Variants in PRKD3 observed in about 807,000 individuals in gnomAD.
The protein encoded by PRKD3 is protein kinase D3, also known as serine/threonine-protein kinase D3.
In PRKD3, 47 loss-of-function variants were observed where a neutral mutation model predicts 99.2. That is an observed-to-expected ratio of 0.47 (90% CI 0.38 to 0.60). The LOEUF (loss-of-function observed/expected upper bound fraction) is 0.60, where lower values mean the gene tolerates loss of function less well. Among genes scored for constraint, PRKD3 ranks in the 20% least tolerant of loss-of-function variants. PRKD3 has a pLI of 0.00. For synonymous variants in PRKD3, 392 were observed against 355.4 expected, an observed-to-expected ratio of 1.10 and a Z score of -1.16; for missense variants, 1,019 against 1,088.4, an observed-to-expected ratio of 0.94 and a Z score of 0.90.
chr2:37,284,488 C>A (rs1572662274), intron 6 of PRKD3, among the ~76,000 whole-genome samples: 1 of 152,170 alleles, frequency 6.6e-6, no homozygotes, highest in East Asian at 1.9e-4. Context: ...TTCTGCTTAG[C>A]AGAGCAGCAA....
chr2:37,319,312 G>C (rs949155524), intron 1 of PRKD3, among the ~76,000 whole-genome samples: 5 of 152,144 alleles, frequency 3.3e-5, no homozygotes, highest in Admixed American at 2.0e-4. Flanking sequence ...TTGCTGCTCT[G>C]TGTCACCTTA....
intron 14 of PRKD3, among the ~76,000 whole-genome samples, chr2:37,263,278 GTATTT>G (rs1391422413): frequency 6.6e-6 from 1 of 152,084 alleles, no homozygotes. Flanking sequence ...TCAAAAATTA[GTATTT>G]TAAAGTTTTC....
At chr2:37,260,460 T>C (rs753538785) in intron 14 of PRKD3, 76 bp from the exon 15 acceptor site, 142 of 1,307,966 alleles carry the variant, frequency 1.1e-4, no homozygotes, top group Non-Finnish European at 1.5e-4. Flanking sequence ...GTGCTATGAT[T>C]GTCTGAAATG....
At chr2:37,301,724 A>G (rs1670940448) in intron 2 of PRKD3, among the ~76,000 whole-genome samples, 1 of 152,228 alleles carries the variant, frequency 6.6e-6, no homozygotes, top group Non-Finnish European at 1.5e-5. Flanking sequence ...TGGTGTATAT[A>G]TATCCCTTCT....
chr2:37,288,547 G>A (rs183618881), intron 5 of PRKD3, among the ~76,000 whole-genome samples: 1 of 152,276 alleles, frequency 6.6e-6, no homozygotes, highest in Non-Finnish European at 1.5e-5. Flanking sequence ...ACAACCTACA[G>A]ATGGAAGTCA....
chr2:37,295,384 A>C (rs529212471), intron 2 of PRKD3, among the ~76,000 whole-genome samples: 15 of 152,304 alleles, frequency 9.8e-5, no homozygotes, highest in Admixed American at 9.8e-4. Context: ...TAAAAAAGAG[A>C]AGCAGAGTTT....
At chr2:37,304,739 C>CA (rs1168058306) in intron 2 of PRKD3, among the ~76,000 whole-genome samples, 186 of 84,202 alleles carry the variant, frequency 2.2e-3, no homozygotes, top group East Asian at 8.2e-3. Context: ...AACTCCATCT[C>CA]AAAAAAAAAA....
intron 1 of PRKD3, among the ~76,000 whole-genome samples, chr2:37,322,299 T>C (rs4610034): frequency 0.022 from 3,423 of 152,296 alleles, 57 homozygotes; most frequent in Middle Eastern, 0.051. Context: ...AAAAATCATA[T>C]CTTGTAGCAA....
chr2:37,321,834 T>C (rs6727087), intron 1 of PRKD3, among the ~76,000 whole-genome samples: 3,511 of 152,192 alleles, frequency 0.023, 63 homozygotes, highest in Middle Eastern at 0.051. Flanking sequence ...GAGTCAACGA[T>C]GCAAAGAGAC....
intron 16 of PRKD3, among the ~76,000 whole-genome samples, chr2:37,258,153 G>A (rs1668126080): frequency 3.3e-5 from 5 of 152,060 alleles, no homozygotes; most frequent in Admixed American, 2.6e-4. Context: ...AAATTGAGAG[G>A]AAAAAGATTT....
intron 14 of PRKD3, among the ~76,000 whole-genome samples, chr2:37,262,121 C>G (rs150085332): frequency 6.6e-6 from 1 of 152,258 alleles, no homozygotes; most frequent in African/African-American, 2.4e-5. Flanking sequence ...ATGACCCCGT[C>G]GCAAAATGAG....
Position 37,318,413 on chromosome 2 carries a change from C to T in PRKD3, c.-655-1234G>A, listed in dbSNP as rs78926914. On this transcript the variant is annotated intron_variant, in intron 1 of 18. Coordinates refer to ENST00000234179, the MANE Select transcript of PRKD3 (RefSeq NM_005813.6). ...TAGACAAGAAAATTGAAGCACAAGG[C>T]GATAACGCAACTTGCCCAGCAGCAC... Among the ~76,000 whole-genome samples, 1,004 of 152,220 alleles carry T rather than the reference C, an allele frequency of 6.6e-3. 8 individuals carry two copies. Among genetic ancestry groups the T allele is most frequent in the African/African-American group, 0.023 (940 of 41,510 alleles).
At chr2:37,265,959 T>C (rs953237106) in intron 14 of PRKD3, among the ~76,000 whole-genome samples, 1 of 152,200 alleles carries the variant, frequency 6.6e-6, no homozygotes, top group African/African-American at 2.4e-5. Context: ...TAGGAATATA[T>C]CCTTAATTTT....
chr2:37,322,175 C>T (rs115834815), intron 1 of PRKD3, among the ~76,000 whole-genome samples: 1,946 of 152,240 alleles, frequency 0.013, 46 homozygotes, highest in African/African-American at 0.044. Flanking sequence ...TGACCAGCGT[C>T]CTAAAGTCCA....
At position 37,267,398 on chromosome 2, in the gene PRKD3, T is replaced by C. The variant is rs760120540; in HGVS notation, c.1884+32A>G. On this transcript the variant is annotated intron_variant, in intron 14 of 18. Transcript: ENST00000234179. ...TAATTCAGATTCTTACCAGCCTCTT[T>C]AATAAACCAGTTTTTTATTTTTTAT... 16 of 1,437,468 alleles carry C rather than the reference T, an allele frequency of 1.1e-5. No individual in the cohort carries two copies. The South Asian group carries it at 1.5e-4, about 13-fold the overall frequency. The allele number at this position is 1,437,468 out of a possible 1,614,324, so 89.0% of individuals were successfully genotyped here. A position where few individuals can be genotyped will look rare whatever the true frequency, so the allele number is the denominator to read the frequency against.
At chr2:37,288,526 A>G (rs1670228217) in intron 5 of PRKD3, among the ~76,000 whole-genome samples, 1 of 152,176 alleles carries the variant, frequency 6.6e-6, no homozygotes, top group Admixed American at 6.5e-5. Flanking sequence ...AAAAAACTAA[A>G]TAATAAGATT....
At chr2:37,313,585 C>G (rs939187916) in intron 2 of PRKD3, among the ~76,000 whole-genome samples, 1 of 151,996 alleles carries the variant, frequency 6.6e-6, no homozygotes, top group Non-Finnish European at 1.5e-5. Context: ...TACATGCAAG[C>G]TAAAAAAATC....
chr2:37,279,871 T>C lies in PRKD3; in HGVS notation c.1047A>G (p.Ile349Met). Residue 349 changes from isoleucine (I) to methionine (M), a missense_variant, in exon 8 of 19, where the codon ATA becomes ATG. Coordinates refer to ENST00000234179, the MANE Select transcript of PRKD3 (RefSeq NM_005813.6). ...CCAAACCCCGACTACTATCACTATT[T>C]ATGTCATTATTGTCAATATCCATTG... ...DIPMDIDNND[I>M]NSDSSRGLDD... 1 of 1,613,416 alleles carries C rather than the reference T, an allele frequency of 6.2e-7. No homozygotes were observed. The highest frequency in any genetic ancestry group is 8.5e-7 in the Non-Finnish European group (1 of 1,179,438).
intron 1 of PRKD3, among the ~76,000 whole-genome samples, chr2:37,324,016 G>C (rs1300434418): frequency 6.6e-6 from 1 of 152,118 alleles, no homozygotes; most frequent in Admixed American, 6.5e-5. Flanking sequence ...ATACCCAACC[G>C]GCAATACAGT....
Sources: allele counts gnomAD v4.1 joint callset (sites outside exome capture counted in the v4.1 genomes callset), GRCh38; gene constraint gnomAD v4.1.1; transcripts MANE v1.5; gene names NCBI Gene and HGNC (gene_info 2026-07-23, HGNC 2026-07-21).